Variants in KCNB2 observed in about 807,000 individuals in gnomAD.
KCNB2 encodes potassium voltage-gated channel subfamily B member 2.
In KCNB2, 15 loss-of-function variants were observed where a neutral mutation model predicts 61.5. The observed-to-expected ratio is 0.24, with a 90% CI of 0.16 to 0.38. KCNB2 has a LOEUF of 0.38. KCNB2 is among the 10% of genes least tolerant of loss of function. The pLI is 1.00. For missense variants in KCNB2, 828 were observed against 1,125.2 expected, an observed-to-expected ratio of 0.74 and a Z score of 3.78; for synonymous variants, 457 against 446.0, an observed-to-expected ratio of 1.02 and a Z score of -0.31.
chr8:72,733,558 A>G (rs886585213), intron 2 of KCNB2, among the ~76,000 whole-genome samples: 1 of 152,172 alleles, frequency 6.6e-6, no homozygotes. Context: ...TAAAGCAGGG[A>G]TTATAATGAC....
At chr8:72,718,140 C>T (rs1368668725) in intron 2 of KCNB2, among the ~76,000 whole-genome samples, 1 of 152,058 alleles carries the variant, frequency 6.6e-6, no homozygotes, top group African/African-American at 2.4e-5. Context: ...GTTAGAATGG[C>T]AATCATTAAA....
chr8:72,588,925 A>G (rs188956893), intron 2 of KCNB2, among the ~76,000 whole-genome samples: 3 of 152,016 alleles, frequency 2.0e-5, no homozygotes, highest in Non-Finnish European at 4.4e-5. Context: ...AAGCAACAAA[A>G]AAAGAAACAT....
intron 2 of KCNB2, among the ~76,000 whole-genome samples, chr8:72,726,272 C>T (rs964464962): frequency 8.5e-5 from 13 of 152,160 alleles, no homozygotes; most frequent in Admixed American, 5.9e-4. Context: ...GGAAGAGACC[C>T]CTCAGCAGAA....
chr8:72,710,939 A>G (rs1322135411), intron 2 of KCNB2, among the ~76,000 whole-genome samples: 1 of 152,198 alleles, frequency 6.6e-6, no homozygotes, highest in Non-Finnish European at 1.5e-5. Context: ...AATATTATGA[A>G]CTTCATCGAT....
chr8:72,559,161 T>C (rs349343), intron 1 of KCNB2, among the ~76,000 whole-genome samples: 93,888 of 151,626 alleles, frequency 0.62, 30,065 homozygotes, highest in Admixed American at 0.7. Context: ...ATTTATTTTT[T>C]TGGAGATGGA....
intron 2 of KCNB2, among the ~76,000 whole-genome samples, chr8:72,682,463 A>G (rs16938310): frequency 0.027 from 4,050 of 152,192 alleles, 72 homozygotes; most frequent in South Asian, 0.074. Flanking sequence ...TCTAAAGTCA[A>G]TTCTAGTAAA....
intron 2 of KCNB2, among the ~76,000 whole-genome samples, chr8:72,642,624 A>G (rs1195049405): frequency 6.6e-6 from 1 of 152,100 alleles, no homozygotes; most frequent in Non-Finnish European, 1.5e-5. Context: ...AATGACTGTC[A>G]CCCACCGAAA....
Position 72,793,733 on chromosome 8 carries a change from A to G in KCNB2, c.580-142202A>G, listed in dbSNP as rs7823755. On this transcript the variant is annotated intron_variant, in intron 2 of 2. Coordinates refer to ENST00000523207, the MANE Select transcript of KCNB2 (RefSeq NM_004770.3). ...TTAAAAGTTCTGTTAACAGTTGTGTACTGTGAATAGAATGGTATTTTTAAA... is the reference window on the plus strand; with the variant it reads ...TTAAAAGTTCTGTTAACAGTTGTGTGCTGTGAATAGAATGGTATTTTTAAA... Among the ~76,000 whole-genome samples, 868 of 152,344 alleles carry G rather than the reference A, an allele frequency of 5.7e-3. 11 individuals are homozygous for G. Among genetic ancestry groups the G allele is most frequent in the African/African-American group, 0.02 (835 of 41,580 alleles).
chr8:72,760,529 C>T (rs917858684), intron 2 of KCNB2, among the ~76,000 whole-genome samples: 10 of 152,164 alleles, frequency 6.6e-5, no homozygotes, highest in African/African-American at 4.8e-5. Context: ...CACCTAGGCA[C>T]TCAGGCCCCA....
At chr8:72,561,733 A>ATATATATG in intron 1 of KCNB2, among the ~76,000 whole-genome samples, 1 of 18,492 alleles carries the variant, frequency 5.4e-5, no homozygotes, top group South Asian at 1.4e-3. Flanking sequence ...ATATATCTAT[A>ATATATATG]TCTATATATA....
chr8:72,887,203 C>G (rs992762644), intron 2 of KCNB2, among the ~76,000 whole-genome samples: 6 of 152,148 alleles, frequency 3.9e-5, no homozygotes, highest in South Asian at 4.1e-4. Context: ...CTCATTCCAT[C>G]CCAGAATGGC....
At chr8:72,642,088 G>A (rs912294298) in intron 2 of KCNB2, among the ~76,000 whole-genome samples, 3 of 152,086 alleles carry the variant, frequency 2.0e-5, no homozygotes, top group Admixed American at 6.6e-5. Context: ...AAGACTGATC[G>A]ACGTTGTTCA....
At chr8:72,562,352 T>A (rs1410294584) in intron 1 of KCNB2, among the ~76,000 whole-genome samples, 2 of 152,134 alleles carry the variant, frequency 1.3e-5, no homozygotes, top group Non-Finnish European at 2.9e-5. Flanking sequence ...TTTGTCAGTT[T>A]TGGCCCTGAG....
intron 2 of KCNB2, among the ~76,000 whole-genome samples, chr8:72,643,536 G>T (rs944770295): frequency 6.6e-6 from 1 of 152,096 alleles, no homozygotes; most frequent in Non-Finnish European, 1.5e-5. Context: ...ATGGTGTGGA[G>T]TGTGGCCCAG....
chr8:72,757,534 G>T (rs1808310309), intron 2 of KCNB2, among the ~76,000 whole-genome samples: 1 of 152,090 alleles, frequency 6.6e-6, no homozygotes, highest in Non-Finnish European at 1.5e-5. Flanking sequence ...CTCCAAGAGA[G>T]AGATGGGTAA....
chr8:72,767,400 TAAAG>T (rs1211402320), intron 2 of KCNB2, among the ~76,000 whole-genome samples: 6 of 152,304 alleles, frequency 3.9e-5, no homozygotes, highest in Non-Finnish European at 2.9e-5. Flanking sequence ...CCATGCTTAT[TAAAG>T]AGTCACCTCA....
At chr8:72,686,648 A>G (rs1806858217) in intron 2 of KCNB2, among the ~76,000 whole-genome samples, 1 of 152,120 alleles carries the variant, frequency 6.6e-6, no homozygotes, top group Admixed American at 6.5e-5. Flanking sequence ...CTCAAACACA[A>G]TTCATCATCG....
intron 2 of KCNB2, among the ~76,000 whole-genome samples, chr8:72,747,856 A>G (rs1245084772): frequency 6.6e-6 from 1 of 152,204 alleles, no homozygotes; most frequent in Admixed American, 6.5e-5. Context: ...TCAAACCTAG[A>G]TGATGCACTT....
In KCNB2 at chr8:72,786,360, G is replaced by A. The variant is rs200334111; in HGVS notation, c.580-149575G>A. On this transcript the variant is annotated intron_variant, in intron 2 of 2. Transcript: ENST00000523207. ...ATAAATGGCCCAGCAAAGGTTGTTC[G>A]GTGAATTTGAAATGCTCTCAGGAAG... is the stretch of plus-strand genomic sequence containing the variant. Among the ~76,000 whole-genome samples the A allele has an allele frequency of 7.2e-5, 11 of 152,048 alleles. No individual in the cohort carries two copies. In the East Asian group the frequency reaches 1.4e-3, roughly 19 times the overall value.
Sources: allele counts gnomAD v4.1 joint callset (sites outside exome capture counted in the v4.1 genomes callset), GRCh38; gene constraint gnomAD v4.1.1; transcripts MANE v1.5; gene names NCBI Gene and HGNC (gene_info 2026-07-23, HGNC 2026-07-21).